The following DDX11 variants were observed in gnomAD, a reference collection of about 807,000 sequenced individuals.
DDX11 encodes DEAD/H-box helicase 11, also known as ATP-dependent DNA helicase DDX11.
DDX11 carries 72 observed loss-of-function variants against 125.2 expected under a neutral mutation model. The observed-to-expected ratio is 0.58, with a 90% CI of 0.48 to 0.70. DDX11 has a LOEUF of 0.70. DDX11 is among the 30% of genes least tolerant of loss of function. The probability of loss-of-function intolerance (pLI) is 0.00; values close to 1 mark genes in which losing one functional copy is unlikely to be tolerated. For missense variants in DDX11, 883 were observed against 1,165.0 expected, an observed-to-expected ratio of 0.76 and a Z score of 3.52; for synonymous variants, 347 against 452.6, an observed-to-expected ratio of 0.77 and a Z score of 2.96.
At chr12:31,087,769 G>T in intron 5 of DDX11, 169 bp from the exon 6 acceptor site, 3 of 1,187,532 alleles carry the variant, frequency 2.5e-6, no homozygotes, top group Non-Finnish European at 3.6e-6. Flanking sequence ...ATGGGAGGTT[G>T]GGGTTGGCAT....
intron 2 of DDX11, among the ~76,000 whole-genome samples, chr12:31,080,030 C>T (rs1304821316): frequency 7.8e-6 from 1 of 128,352 alleles, no homozygotes; most frequent in Non-Finnish European, 1.6e-5. Flanking sequence ...GGTATACGTC[C>T]GTTTGGAGGC....
At chr12:31,089,786 C>T in intron 8 of DDX11, 100 bp from the exon 9 acceptor site, 1 of 1,548,114 alleles carries the variant, frequency 6.5e-7, no homozygotes, top group Admixed American at 2.0e-5. Flanking sequence ...ATAGACCCTA[C>T]CCCATGGAAG....
chr12:31,075,305 T>C (rs1439719811), intron 1 of DDX11, among the ~76,000 whole-genome samples: 1 of 149,536 alleles, frequency 6.7e-6, no homozygotes, highest in African/African-American at 2.5e-5. Flanking sequence ...AATACTTACG[T>C]TTCTTCTGTA....
At chr12:31,097,834 C>T (rs2909388) in intron 17 of DDX11, 51 bp from the exon 18 acceptor site, 372,121 of 977,422 alleles carry the variant, frequency 0.38, 98,035 homozygotes, top group East Asian at 0.84. Context: ...GCTGGGACGA[C>T]AGAAGTGTCT....
At chr12:31,089,258 C>T in intron 7 of DDX11, 107 bp downstream of exon 7, 1 of 1,356,120 alleles carries the variant, frequency 7.4e-7, no homozygotes, top group Admixed American at 1.8e-5. Flanking sequence ...ACAGGCTGAA[C>T]CGTGTGAGGA....
At position 31,104,037 on chromosome 12, in the gene DDX11, G is replaced by GT; in HGVS notation, c.*202dup. On this transcript the variant is annotated 3_prime_UTR_variant, in exon 27 of 27. Coordinates refer to ENST00000542838, the MANE Select transcript of DDX11 (RefSeq NM_030653.4). ...AAAATGGGGGAATCCTGAATGAACA[G>GT]TGGGTCCTGGCTGTCCTTGGGGCGT... is the stretch of plus-strand genomic sequence containing the variant. 1.9e-6 allele frequency: 3 copies of GT among 1,550,372 alleles called. No individual in the cohort carries two copies. In the South Asian group the frequency reaches 3.6e-5, roughly 18 times the overall value.
chr12:31,103,647 T>A lies in DDX11; in HGVS notation c.2607T>A (p.Pro869=), dbSNP rs1355702382. 5.6e-6 allele frequency: 9 copies of A among 1,613,994 alleles called. No homozygotes were observed. The highest frequency in any genetic ancestry group is 7.6e-6 in the Non-Finnish European group (9 of 1,180,030). Residue 869 remains proline, a synonymous_variant, in exon 26 of 27, where the codon CCT becomes CCA. Transcript: ENST00000542838. ...VLLDQRYARP[P]VLAKLPAWIR... ...TGGACCAGCGATATGCCCGGCCCCCTGTCCTGGCCAAGCTGCCGGCCTGGA... is the reference window on the plus strand; with the variant it reads ...TGGACCAGCGATATGCCCGGCCCCCAGTCCTGGCCAAGCTGCCGGCCTGGA...
chr12:31,076,211 T>C (rs1240006922), intron 1 of DDX11, among the ~76,000 whole-genome samples: 5 of 152,118 alleles, frequency 3.3e-5, no homozygotes, highest in South Asian at 2.1e-4. Flanking sequence ...GTCCAGGGGC[T>C]GATGAGGCCA....
At position 31,100,759 on chromosome 12, in the gene DDX11, C is replaced by T. The variant is rs528598312; in HGVS notation, c.1948+52C>T. ...AGGCTAGAGGTCAGGTTCTGGCCCC[C>T]GTTTTCTGTGGGTAATACCTCATAC... On this transcript the variant is annotated intron_variant, in intron 19 of 26. Transcript: ENST00000542838. 7.2e-5 allele frequency: 111 copies of T among 1,545,524 alleles called. 1 individual carries two copies. The South Asian group carries it at 9.5e-4, about 13-fold the overall frequency.
At position 31,097,919 on chromosome 12, in the gene DDX11, C is replaced by T. The variant is rs1328122730; in HGVS notation, c.1797C>T (p.Leu599=). 6.2e-7 allele frequency: 1 copy of T among 1,613,528 alleles called. No individual in the cohort carries two copies. Among genetic ancestry groups the T allele is most frequent in the African/African-American group, 1.3e-5 (1 of 74,834 alleles). ...SLSQSTLKFL[L]LNPAVHFAQV... is the part of the protein sequence containing the mutation. ...GTCAGAGCACCCTGAAGTTTTTGCT[C>T]CTGAATCCAGCTGTGCACTTTGCCC... Residue 599 remains leucine (L), a synonymous_variant, in exon 18 of 27, where the codon CTC becomes CTT. Transcript: ENST00000542838.
chr12:31,084,631 C>T lies in DDX11; in HGVS notation c.442C>T (p.Gln148Ter). The change falls in exon 4 of 27, where the codon CAG becomes TAG. Residue 148 changes from glutamine to a stop codon, truncating the protein, a stop_gained. Transcript: ENST00000542838. LOFTEE classifies it high-confidence loss of function. The part of the protein sequence containing the change: ...KQREERLQQL[Q>*]HRVQLKYAAK... ...GCGAGAAGAACGCCTGCAGCAGCTG[C>T]AGCACAGGGTGCAGCTCAAGTATGC... The T allele has an allele frequency of 6.3e-7, 1 of 1,595,248 alleles. No individual in the cohort carries two copies. The highest frequency in any genetic ancestry group is 8.6e-7 in the Non-Finnish European group (1 of 1,169,260).
chr12:31,103,815 G>A lies in DDX11; in HGVS notation c.2700G>A (p.Arg900=). The change falls in exon 27 of 27, where the codon CGG becomes CGA. Residue 900 remains arginine, a synonymous_variant. Coordinates refer to ENST00000542838, the MANE Select transcript of DDX11 (RefSeq NM_030653.4). ...PAIAAVQKFH[R]EKSASS ...GCCTTCTGTCTGCCCAGTTTCACCGGGAGAAGTCGGCCTCTTCCTGATGGG... is the reference window on the plus strand; with the variant it reads ...GCCTTCTGTCTGCCCAGTTTCACCGAGAGAAGTCGGCCTCTTCCTGATGGG... 1 of 1,613,838 alleles carries A rather than the reference G, an allele frequency of 6.2e-7. No homozygotes were observed. Among genetic ancestry groups the A allele is most frequent in the South Asian group, 1.1e-5 (1 of 91,054 alleles).
At chr12:31,093,523 C>G (rs561231310) in intron 12 of DDX11, 199 bp downstream of exon 12, 2 of 723,378 alleles carry the variant, frequency 2.8e-6, no homozygotes, top group African/African-American at 1.8e-5. Flanking sequence ...TGAGACCAGC[C>G]TGGCCAACAT....
Position 31,103,382 on chromosome 12 carries a change from C to T in DDX11, c.2523C>T (p.Val841=). The T allele has an allele frequency of 6.2e-7, 1 of 1,609,692 alleles. No individual in the cohort carries two copies. Residue 841 remains valine (V), a synonymous_variant, in exon 25 of 27, where the codon GTC becomes GTT. Coordinates refer to ENST00000542838, the MANE Select transcript of DDX11 (RefSeq NM_030653.4). ...ALVENLCMKA[V]NQSIGRAIRH... is the part of the protein sequence containing the mutation. ...TGGAGAACCTGTGCATGAAGGCCGT[C>T]AACCAGTCCATAGGTGAGCCTGGCT...
At chr12:31,083,407 G>A (rs1453748619) in intron 2 of DDX11, among the ~76,000 whole-genome samples, 3 of 152,098 alleles carry the variant, frequency 2.0e-5, no homozygotes, top group Non-Finnish European at 4.4e-5. Flanking sequence ...AAGGCCGCGC[G>A]GTCACTCTGG....
At chr12:31,095,335 G>A (rs993163170) in intron 14 of DDX11, among the ~76,000 whole-genome samples, 46 of 152,178 alleles carry the variant, frequency 3.0e-4, no homozygotes, top group Admixed American at 2.7e-3. Flanking sequence ...TGTTGTAGGC[G>A]GCATGCCATG....
At position 31,100,733 on chromosome 12, in the gene DDX11, C is replaced by T. The variant is rs747226225; in HGVS notation, c.1948+26C>T. The stretch of plus-strand genomic sequence containing the variant: ...GTGAGAAGCTGTGCCCAGGGTGGGG[C>T]AGGCTAGAGGTCAGGTTCTGGCCCC... On this transcript the variant is annotated intron_variant, in intron 19 of 26. Coordinates refer to ENST00000542838, the MANE Select transcript of DDX11 (RefSeq NM_030653.4). 3 of 1,550,754 alleles carry T rather than the reference C, an allele frequency of 1.9e-6. No individual in the cohort carries two copies. The South Asian group carries it at 3.6e-5, about 18-fold the overall frequency.
chr12:31,090,270 G>A (rs1351533745), intron 9 of DDX11, among the ~76,000 whole-genome samples, 176 bp downstream of exon 9: 1 of 145,182 alleles, frequency 6.9e-6, no homozygotes, highest in Non-Finnish European at 1.5e-5. Flanking sequence ...GGATCCCTTG[G>A]GGTCTCCAGG....
At chr12:31,101,627 G>T in intron 20 of DDX11, 1 of 634,072 alleles carries the variant, frequency 1.6e-6, no homozygotes. Context: ...GAAAGGCGCA[G>T]TCAGCAGCAG....
Sources: allele counts gnomAD v4.1 joint callset (sites outside exome capture counted in the v4.1 genomes callset), GRCh38; gene constraint gnomAD v4.1.1; transcripts MANE v1.5; gene names NCBI Gene and HGNC (gene_info 2026-07-23, HGNC 2026-07-21).